The following COG6 variants were observed in gnomAD, a reference collection of about 807,000 sequenced individuals.
COG6 encodes the protein conserved oligomeric Golgi complex subunit 6.
A neutral mutation model predicts 88.8 loss-of-function variants in COG6; 74 were observed. That is an observed-to-expected ratio of 0.83 (90% CI 0.69 to 1.01). The LOEUF (loss-of-function observed/expected upper bound fraction) is 1.01. Among genes scored for constraint, COG6 ranks in the 50% least tolerant of loss-of-function variants. COG6 has a pLI of 0.00. For missense variants in COG6, 800 were observed against 797.9 expected (o/e 1.00, Z -0.03); for synonymous variants, 286 against 278.7 (o/e 1.03, Z -0.26).
At position 39,768,080 on chromosome 13, in the gene COG6, A is replaced by T. The variant is rs535736829; in HGVS notation, c.1827-20255A>T. Among the ~76,000 whole-genome samples, 3 of 151,924 alleles carry T rather than the reference A, an allele frequency of 2.0e-5. No homozygotes were observed. The East Asian group carries it at 5.8e-4, about 30-fold the overall frequency. On this transcript the variant is annotated intron_variant, in intron 18 of 18. Transcript: ENST00000416691. ...GCACTCTCAGATCTTACCTGCTCAC[A>T]TTCATTTATGTAACTTCTCTTTCTT... is the stretch of plus-strand genomic sequence containing the variant.
intron 18 of COG6, among the ~76,000 whole-genome samples, chr13:39,747,816 T>G (rs1880421137): frequency 6.6e-6 from 1 of 152,182 alleles, no homozygotes. Context: ...AATTTTAAAT[T>G]TTTTATCACT....
intron 18 of COG6, among the ~76,000 whole-genome samples, chr13:39,776,676 C>G (rs941636404): frequency 6.6e-6 from 1 of 152,122 alleles, no homozygotes; most frequent in South Asian, 2.1e-4. Flanking sequence ...TCAGCCAGTA[C>G]CCTGATGTCT....
rs772294548 is a variant in COG6 at position 39,719,313 on chromosome 13, A to G, written c.1362A>G (p.Ala454=). ...QTLMLLREVL[A]SHDSSVVPLD... The stretch of plus-strand genomic sequence containing the variant: ...TCATGTTGCTGCGTGAAGTTTTAGC[A>G]TCTCACGATTCTTCAGTTGTACCAT... The change falls in exon 14 of 19, where the codon GCA becomes GCG. Residue 454 remains alanine (A), a synonymous_variant. Coordinates refer to ENST00000455146, the MANE Select transcript of COG6 (RefSeq NM_020751.3). The G allele has an allele frequency of 1.1e-5, 17 of 1,612,748 alleles. No homozygotes were observed. Among genetic ancestry groups the G allele is most frequent in the Admixed American group, 3.3e-5 (2 of 59,850 alleles).
chr13:39,723,196 T>TA (rs2138083004), intron 15 of COG6, 137 bp from the exon 16 acceptor site: 2 of 652,428 alleles, frequency 3.1e-6, no homozygotes, highest in South Asian at 1.7e-5. Flanking sequence ...TAGAAAGACT[T>TA]ACTGTTTGGG....
intron 1 of COG6, 115 bp from the exon 2 acceptor site, chr13:39,659,249 C>T (rs1182539488): frequency 2.3e-5 from 22 of 943,476 alleles, no homozygotes; most frequent in Admixed American, 1.3e-4. Context: ...CAATATTTTT[C>T]GGATTGGTTA....
intron 3 of COG6, among the ~76,000 whole-genome samples, chr13:39,663,655 T>C (rs547216735): frequency 3.3e-5 from 5 of 152,168 alleles, no homozygotes; most frequent in African/African-American, 4.8e-5. Flanking sequence ...TCTCAGCATT[T>C]TGGGAGGCTG....
chr13:39,695,927 T>C (rs1214095684), intron 12 of COG6, among the ~76,000 whole-genome samples: 2 of 152,000 alleles, frequency 1.3e-5, no homozygotes, highest in Non-Finnish European at 2.9e-5. Context: ...TAGCAAATGC[T>C]GTGTTATAAA....
intron 12 of COG6, among the ~76,000 whole-genome samples, chr13:39,698,459 C>CTA (rs1402521162): frequency 5.3e-5 from 8 of 151,634 alleles, no homozygotes; most frequent in South Asian, 2.1e-4. Flanking sequence ...TTGCTGTTTG[C>CTA]TATATATATA....
At chr13:39,744,141 A>G (rs1310190499) in intron 18 of COG6, among the ~76,000 whole-genome samples, 1 of 152,202 alleles carries the variant, frequency 6.6e-6, no homozygotes, top group East Asian at 1.9e-4. Context: ...ACCCACAGCC[A>G]ATATCATACT....
chr13:39,679,890 A>T, intron 6 of COG6, 85 bp from the exon 7 acceptor site: 1 of 750,840 alleles, frequency 1.3e-6, no homozygotes, highest in Non-Finnish European at 2.3e-6. Context: ...ATATGCTGTA[A>T]TATGTAATAT....
chr13:39,708,634 T>C (rs1383484190), intron 13 of COG6, among the ~76,000 whole-genome samples: 1 of 152,096 alleles, frequency 6.6e-6, no homozygotes, highest in East Asian at 1.9e-4. Context: ...TTGCTTTCAA[T>C]TTTTCTTGCC....
Position 39,781,067 on chromosome 13 carries a change from C to G in COG6, c.1827-7268C>G, listed in dbSNP as rs914643658. Among the ~76,000 whole-genome samples the G allele has an allele frequency of 2.6e-5, 4 of 152,160 alleles. No individual in the cohort carries two copies. In the South Asian group the frequency reaches 8.3e-4, roughly 32 times the overall value. Reference sequence around the variant, plus strand: ...TTTCTCCAAGAGCCCCATTTGGCCTCTAAATCTCTTTCACAACTCCTCTCC... The same window carrying G: ...TTTCTCCAAGAGCCCCATTTGGCCTGTAAATCTCTTTCACAACTCCTCTCC... On this transcript the variant is annotated intron_variant, in intron 18 of 18. Transcript: ENST00000416691.
intron 18 of COG6, among the ~76,000 whole-genome samples, chr13:39,786,275 C>T (rs1407998949): frequency 6.6e-6 from 1 of 152,176 alleles, no homozygotes; most frequent in South Asian, 2.1e-4. Flanking sequence ...TGGTCCAGAC[C>T]TCTGCGGCAG....
chr13:39,707,082 A>T (rs75013309), intron 13 of COG6, among the ~76,000 whole-genome samples: 9,119 of 151,926 alleles, frequency 0.06, 382 homozygotes, highest in Non-Finnish European at 0.095. Flanking sequence ...TAATGACTTG[A>T]TGTTTAGTAT....
intron 6 of COG6, 116 bp downstream of exon 6, chr13:39,679,736 A>T: frequency 1.3e-6 from 1 of 765,274 alleles, no homozygotes; most frequent in Non-Finnish European, 2.3e-6. Flanking sequence ...TTTAATCTTT[A>T]TTTATCTTTA....
At chr13:39,741,521 A>G (rs1880042218) in intron 18 of COG6, among the ~76,000 whole-genome samples, 1 of 152,192 alleles carries the variant, frequency 6.6e-6, no homozygotes, top group African/African-American at 2.4e-5. Flanking sequence ...ATTGAAGATC[A>G]AATTAATGAA....
chr13:39,708,016 GT>G (rs1240818042), intron 13 of COG6, among the ~76,000 whole-genome samples: 1 of 152,126 alleles, frequency 6.6e-6, no homozygotes, highest in Non-Finnish European at 1.5e-5. Flanking sequence ...GGGAGTTTCA[GT>G]TGTTCCACAT....
intron 13 of COG6, among the ~76,000 whole-genome samples, chr13:39,718,277 A>C (rs911609973): frequency 6.6e-6 from 1 of 152,092 alleles, no homozygotes; most frequent in Non-Finnish European, 1.5e-5. Flanking sequence ...AACTTTCTAC[A>C]TGAAACCATC....
At chr13:39,682,035 G>A (rs1453119215) in intron 7 of COG6, 136 bp from the exon 8 acceptor site, 12 of 666,352 alleles carry the variant, frequency 1.8e-5, no homozygotes, top group South Asian at 1.7e-4. Context: ...ATTTTTGATT[G>A]GTGTATTCTC....
Sources: allele counts gnomAD v4.1 joint callset (sites outside exome capture counted in the v4.1 genomes callset), GRCh38; gene constraint gnomAD v4.1.1; transcripts MANE v1.5; gene names NCBI Gene and HGNC (gene_info 2026-07-23, HGNC 2026-07-21).